FILIP1L: variants seen among roughly 807,000 people sequenced by gnomAD.
The protein encoded by FILIP1L is filamin A-interacting protein 1-like.
Under a neutral mutation model 96.6 loss-of-function variants are expected in FILIP1L, and 55 were observed. The observed-to-expected ratio is 0.57, with a 90% confidence interval of 0.46 to 0.71. The LOEUF (loss-of-function observed/expected upper bound fraction) is 0.71. Among genes scored for constraint, FILIP1L ranks in the 30% least tolerant of loss-of-function variants. FILIP1L has a pLI of 0.00. For missense variants in FILIP1L, 1,304 were observed against 1,321.2 expected, an observed-to-expected ratio of 0.99 and a Z score of 0.20; for synonymous variants, 467 against 473.9, an observed-to-expected ratio of 0.99 and a Z score of 0.19.
intron 1 of FILIP1L, among the ~76,000 whole-genome samples, chr3:100,029,422 GC>G: frequency 6.9e-6 from 1 of 144,824 alleles, no homozygotes; most frequent in South Asian, 2.3e-4. Context: ...TAAATAAAAA[GC>G]TAAATAGTCA....
At chr3:100,018,350 G>A (rs749358587) in intron 1 of FILIP1L, among the ~76,000 whole-genome samples, 3 of 152,028 alleles carry the variant, frequency 2.0e-5, no homozygotes, top group South Asian at 4.2e-4. Flanking sequence ...AGAAAGAAAG[G>A]TGAAGCAAGC....
At chr3:100,043,718 A>G (rs984777241) in intron 1 of FILIP1L, among the ~76,000 whole-genome samples, 7 of 152,236 alleles carry the variant, frequency 4.6e-5, no homozygotes, top group Non-Finnish European at 7.3e-5. Context: ...AGGGGATACA[A>G]TGTGATATTT....
chr3:99,848,606 C>T lies in FILIP1L; in HGVS notation c.3070G>A (p.Glu1024Lys). The T allele has an allele frequency of 6.2e-7, 1 of 1,614,190 alleles. No individual in the cohort carries two copies. The highest frequency in any genetic ancestry group is 8.5e-7 in the Non-Finnish European group (1 of 1,180,036). ...PEQGRSPEPT[E>K]ISAKHAIFRV... ...AATATCGCATGCTTGGCACTGATTT[C>T]TGTTGGTTCTGGGGAGCGTCCCTGC... The change falls in exon 5 of 6, where the codon GAA becomes AAA. Residue 1024 changes from glutamate to lysine, a missense_variant. Glu to Lys is a moderately conservative substitution (Grantham distance 56). Coordinates refer to ENST00000477258, the MANE Select transcript of FILIP1L (RefSeq NM_001387850.1).
In FILIP1L at chr3:99,995,655, G is replaced by A. The variant is rs377182196; in HGVS notation, c.-10-64625C>T. 5.3e-5 allele frequency among the ~76,000 whole-genome samples: 8 copies of A among 152,318 alleles called. No homozygotes were observed. The East Asian group carries it at 9.6e-4, about 18-fold the overall frequency. ...CAAACTTCTGCCTGGGCATCCAGGC[G>A]TTTCCATACATCTTCTGACATCTAG... On this transcript the variant is annotated intron_variant, in intron 1 of 5. Transcript: ENST00000477258.
chr3:100,104,232 C>G (rs942233337), intron 1 of FILIP1L, among the ~76,000 whole-genome samples: 1 of 152,186 alleles, frequency 6.6e-6, no homozygotes, highest in African/African-American at 2.4e-5. Flanking sequence ...TCAGGCAAAG[C>G]ATCTAGATGG....
chr3:99,898,218 G>A (rs1029074732), intron 4 of FILIP1L: 17 of 152,172 alleles, frequency 1.1e-4, no homozygotes, highest in African/African-American at 4.1e-4. Context: ...TGGAAAAAAA[G>A]TATATCTTTA....
intron 1 of FILIP1L, among the ~76,000 whole-genome samples, chr3:99,971,600 G>A (rs1708824619): frequency 6.6e-6 from 1 of 152,126 alleles, no homozygotes; most frequent in Admixed American, 6.5e-5. Flanking sequence ...CTTTTGTCTT[G>A]TAGCCACTCC....
intron 4 of FILIP1L, among the ~76,000 whole-genome samples, chr3:99,857,992 G>C (rs1224407919): frequency 6.6e-6 from 1 of 152,084 alleles, no homozygotes; most frequent in African/African-American, 2.4e-5. Context: ...GGCTAATTAG[G>C]AAAGAAAAAG....
chr3:100,052,498 T>C (rs917017983), intron 1 of FILIP1L, among the ~76,000 whole-genome samples: 3 of 152,204 alleles, frequency 2.0e-5, no homozygotes, highest in Non-Finnish European at 2.9e-5. Context: ...ATTTGTGTTA[T>C]TATTGTGGTT....
chr3:100,038,048 G>A (rs963713248), intron 1 of FILIP1L, among the ~76,000 whole-genome samples: 30 of 150,290 alleles, frequency 2.0e-4, no homozygotes, highest in African/African-American at 6.9e-4. Context: ...TCTGCCTCCT[G>A]GGTTCAAGCA....
At chr3:99,869,557 C>A (rs898275421) in intron 4 of FILIP1L, among the ~76,000 whole-genome samples, 24 of 152,176 alleles carry the variant, frequency 1.6e-4, no homozygotes, top group African/African-American at 5.8e-4. Flanking sequence ...CAAGTTAAGA[C>A]TAAGGGACTT....
chr3:100,052,175 G>A (rs991112239), intron 1 of FILIP1L, among the ~76,000 whole-genome samples: 1 of 152,124 alleles, frequency 6.6e-6, no homozygotes, highest in African/African-American at 2.4e-5. Flanking sequence ...ACTTATAATA[G>A]GCAAATGAGT....
intron 4 of FILIP1L, among the ~76,000 whole-genome samples, chr3:99,852,323 T>C (rs989876788): frequency 6.6e-6 from 1 of 152,256 alleles, no homozygotes; most frequent in Non-Finnish European, 1.5e-5. Context: ...AGAGAATTCA[T>C]AAAACTTTAA....
In FILIP1L at chr3:99,929,917, T is replaced by A. The variant is rs760441823; in HGVS notation, c.365A>T (p.Asp122Val). ...PKKVLEALQRDAFQAKSTPWQ... is the reference protein window; with the variant it reads ...PKKVLEALQRVAFQAKSTPWQ... ...AGGGGTAGATTTCGCTTGAAAAGCATCTCTCTGGAGAGCCTCTAACACCTT... is the reference window on the plus strand; with the variant it reads ...AGGGGTAGATTTCGCTTGAAAAGCAACTCTCTGGAGAGCCTCTAACACCTT... The change falls in exon 3 of 6, where the codon GAT becomes GTT. Residue 122 changes from aspartate (D) to valine (V), a missense_variant. By Grantham distance (152) the Asp-to-Val change is radical. Coordinates refer to ENST00000477258, the MANE Select transcript of FILIP1L (RefSeq NM_001387850.1). 10 of 1,613,654 alleles carry A rather than the reference T, an allele frequency of 6.2e-6. No homozygotes were observed. Among genetic ancestry groups the A allele is most frequent in the Non-Finnish European group, 8.5e-6 (10 of 1,179,922 alleles).
chr3:100,019,621 C>G (rs1042919782), intron 1 of FILIP1L, among the ~76,000 whole-genome samples: 2 of 152,026 alleles, frequency 1.3e-5, no homozygotes, highest in African/African-American at 4.8e-5. Context: ...AAAATTATTT[C>G]TAGATATCTT....
intron 5 of FILIP1L, among the ~76,000 whole-genome samples, chr3:99,840,958 T>A (rs555926079): frequency 6.6e-6 from 1 of 152,354 alleles, no homozygotes; most frequent in East Asian, 1.9e-4. Flanking sequence ...TCCCACTTGA[T>A]TAAATGTTGT....
chr3:99,975,010 A>C (rs2107723611), intron 1 of FILIP1L, among the ~76,000 whole-genome samples: 1 of 152,284 alleles, frequency 6.6e-6, no homozygotes, highest in Middle Eastern at 3.4e-3. Context: ...TTTATGACAA[A>C]AGATCAACAG....
At chr3:99,839,010 C>G (rs1393566507) in intron 5 of FILIP1L, among the ~76,000 whole-genome samples, 1 of 152,120 alleles carries the variant, frequency 6.6e-6, no homozygotes, top group Non-Finnish European at 1.5e-5. Context: ...GCTCACTGTT[C>G]CTTGAATGTT....
At chr3:99,968,019 C>T (rs1208476603) in intron 1 of FILIP1L, among the ~76,000 whole-genome samples, 1 of 152,196 alleles carries the variant, frequency 6.6e-6, no homozygotes, top group African/African-American at 2.4e-5. Flanking sequence ...AAGCAGTATG[C>T]TGTTCACAGA....
Sources: gnomAD v4.1 joint callset for allele counts (sites outside exome capture counted in the v4.1 genomes callset) on GRCh38, gnomAD v4.1.1 for gene constraint, MANE v1.5 for transcripts, NCBI Gene and HGNC (gene_info 2026-07-23, HGNC 2026-07-21) for gene names.